The following DISC1 variants were observed in gnomAD, a reference collection of about 807,000 sequenced individuals.
DISC1 encodes the protein DISC1 scaffold protein, also known as disrupted in schizophrenia 1 protein.
A neutral mutation model predicts 84.5 loss-of-function variants in DISC1; 57 were observed. That is an observed-to-expected ratio of 0.67 (90% CI 0.55 to 0.84). The LOEUF (loss-of-function observed/expected upper bound fraction) is 0.84, where lower values mean the gene tolerates loss of function less well. Among genes scored for constraint, DISC1 ranks in the 40% least tolerant of loss-of-function variants. The pLI is 0.00. For missense variants in DISC1, 1,000 were observed against 1,057.8 expected, an observed-to-expected ratio of 0.95 and a Z score of 0.76; for synonymous variants, 411 against 415.2, an observed-to-expected ratio of 0.99 and a Z score of 0.12.
chr1:231,737,926 C>T (rs1035446437), intron 3 of DISC1, among the ~76,000 whole-genome samples: 7 of 152,100 alleles, frequency 4.6e-5, no homozygotes, highest in African/African-American at 7.2e-5. Flanking sequence ...GGCATGACAT[C>T]GGCTCTCTGC....
chr1:231,872,764 C>T (rs982507695), intron 9 of DISC1, among the ~76,000 whole-genome samples: 5 of 152,250 alleles, frequency 3.3e-5, no homozygotes, highest in East Asian at 1.9e-4. Flanking sequence ...AGAAAATTCT[C>T]GTTAAATTAC....
At chr1:231,729,640 C>T (rs2071244998) in intron 3 of DISC1, among the ~76,000 whole-genome samples, 1 of 151,560 alleles carries the variant, frequency 6.6e-6, no homozygotes, top group African/African-American at 2.4e-5. Flanking sequence ...CGCTTTATGC[C>T]TTCTGATTGG....
At chr1:231,679,271 G>C (rs201608237) in intron 1 of DISC1, among the ~76,000 whole-genome samples, 2 of 152,178 alleles carry the variant, frequency 1.3e-5, no homozygotes, top group Non-Finnish European at 2.9e-5. Context: ...CTCCATGCTG[G>C]TCTGTGCCTG....
chr1:232,032,881 A>G (rs1670184511), intron 12 of DISC1, among the ~76,000 whole-genome samples: 1 of 152,234 alleles, frequency 6.6e-6, no homozygotes, highest in Non-Finnish European at 1.5e-5. Flanking sequence ...GGCTTCAACT[A>G]TGAGCTTATT....
chr1:231,882,837 A>C (rs751803020), intron 9 of DISC1, among the ~76,000 whole-genome samples: 9 of 152,046 alleles, frequency 5.9e-5, no homozygotes, highest in Non-Finnish European at 1.3e-4. Flanking sequence ...TGGACAGTCT[A>C]TTATGTGTTC....
intron 3 of DISC1, among the ~76,000 whole-genome samples, chr1:231,749,549 AT>A (rs561105188): frequency 1.3e-5 from 2 of 151,992 alleles, no homozygotes; most frequent in Non-Finnish European, 2.9e-5. Context: ...TTGGGCACTG[AT>A]TTTTTTTAAA....
intron 10 of DISC1, among the ~76,000 whole-genome samples, chr1:232,004,971 C>G (rs1386757102): frequency 1.8e-4 from 18 of 102,446 alleles, no homozygotes; most frequent in African/African-American, 7.5e-4. Context: ...CTTCCTTCTT[C>G]CCTTCCTTCC....
At chr1:231,955,636 C>T (rs1012682143) in intron 9 of DISC1, among the ~76,000 whole-genome samples, 6 of 151,942 alleles carry the variant, frequency 3.9e-5, no homozygotes, top group Admixed American at 1.3e-4. Flanking sequence ...ATTACAGGCA[C>T]CCACCACCAC....
At position 232,039,678 on chromosome 1, in the gene DISC1, A is replaced by T. The variant is rs1187612686; in HGVS notation, c.*2847A>T. 1 of 152,136 alleles carries T rather than the reference A, an allele frequency of 6.6e-6. No individual in the cohort carries two copies. Among genetic ancestry groups the T allele is most frequent in the East Asian group, 1.9e-4 (1 of 5,182 alleles). The allele number at this position is 152,136 out of a possible 1,614,324, so 9.4% of individuals were successfully genotyped here. A position where few individuals can be genotyped will look rare whatever the true frequency, so the allele number is the denominator to read the frequency against. ...GACACAGGACTGTGTATCCTCAATC[A>T]TACTATACAGCAGTTTTTGTCAGGG... On this transcript the variant is annotated 3_prime_UTR_variant, in exon 13 of 13. Transcript: ENST00000439617.
At chr1:231,651,699 G>T (rs2060637119) in intron 1 of DISC1, among the ~76,000 whole-genome samples, 1 of 152,362 alleles carries the variant, frequency 6.6e-6, no homozygotes, top group East Asian at 1.9e-4. Context: ...TAGAGCTGGG[G>T]TCTACAGAGG....
intron 1 of DISC1, among the ~76,000 whole-genome samples, chr1:231,686,914 C>G (rs2125597948): frequency 6.6e-6 from 1 of 152,286 alleles, no homozygotes; most frequent in African/African-American, 2.4e-5. Context: ...CAAAGTTCCA[C>G]AAATCTCTAG....
intron 3 of DISC1, 39 bp from the exon 4 acceptor site, chr1:231,749,887 G>C: frequency 4.3e-6 from 7 of 1,613,890 alleles, no homozygotes; most frequent in Non-Finnish European, 5.1e-6. Context: ...TGCATTTCAT[G>C]GTTCTTTTTT....
At chr1:232,021,453 T>A (rs1321682936) in intron 11 of DISC1, among the ~76,000 whole-genome samples, 1 of 152,088 alleles carries the variant, frequency 6.6e-6, no homozygotes, top group Non-Finnish European at 1.5e-5. Context: ...TACTGACCAG[T>A]GGCAGTGGTC....
At chr1:231,769,235 C>G (rs1278620168) in intron 5 of DISC1, among the ~76,000 whole-genome samples, 2 of 152,182 alleles carry the variant, frequency 1.3e-5, no homozygotes, top group Non-Finnish European at 1.5e-5. Context: ...AATTGATTGA[C>G]TGTGTGGTCC....
intron 9 of DISC1, among the ~76,000 whole-genome samples, chr1:231,820,705 A>G (rs1215952732): frequency 6.6e-6 from 1 of 152,194 alleles, no homozygotes; most frequent in African/African-American, 2.4e-5. Context: ...AAAAAAACAA[A>G]GAAGGAAGAG....
At chr1:231,759,526 C>CAAAAAAAAA (rs767431903) in intron 4 of DISC1, among the ~76,000 whole-genome samples, 22 of 48,234 alleles carry the variant, frequency 4.6e-4, no homozygotes, top group African/African-American at 9.2e-4. Context: ...CCCATCTCTA[C>CAAAAAAAAA]AAAAAAAAAA....
intron 9 of DISC1, among the ~76,000 whole-genome samples, chr1:231,833,055 AGGTGGG>A (rs1336501168): frequency 6.9e-6 from 1 of 144,632 alleles, no homozygotes; most frequent in Admixed American, 6.9e-5. Context: ...TTGTGGGTTA[AGGTGGG>A]GGGATACAAG....
intron 3 of DISC1, among the ~76,000 whole-genome samples, chr1:231,733,882 G>T (rs1242045534): frequency 6.6e-6 from 1 of 150,382 alleles, no homozygotes; most frequent in Non-Finnish European, 1.5e-5. Flanking sequence ...AGTTGTGATG[G>T]TTGGGGGGTG....
intron 9 of DISC1, among the ~76,000 whole-genome samples, chr1:231,921,174 A>G (rs2126080408): frequency 6.6e-6 from 1 of 151,624 alleles, no homozygotes; most frequent in African/African-American, 2.4e-5. Context: ...TCGGCCTCCC[A>G]AAGTGCTGGG....
Sources: gnomAD v4.1 joint callset for allele counts (sites outside exome capture counted in the v4.1 genomes callset) on GRCh38, gnomAD v4.1.1 for gene constraint, MANE v1.5 for transcripts, NCBI Gene and HGNC (gene_info 2026-07-23, HGNC 2026-07-21) for gene names.